CTIF: variants seen among roughly 807,000 people sequenced by gnomAD.
CTIF encodes the protein CBP80/20-dependent translation initiation factor.
CTIF carries 21 observed loss-of-function variants against 66.0 expected under a neutral mutation model. The observed-to-expected ratio is 0.32, with a 90% CI of 0.23 to 0.46. The LOEUF is 0.46. Among genes scored for constraint, CTIF ranks in the 20% least tolerant of loss-of-function variants. The pLI is 1.00. For missense variants in CTIF, 739 were observed against 812.7 expected, an observed-to-expected ratio of 0.91 and a Z score of 1.10; for synonymous variants, 345 against 326.4, an observed-to-expected ratio of 1.06 and a Z score of -0.62.
At chr18:48,687,308 AC>A in intron 6 of CTIF, among the ~76,000 whole-genome samples, 1 of 83,020 alleles carries the variant, frequency 1.2e-5, no homozygotes, top group Non-Finnish European at 2.9e-5. Context: ...AGGAGGGGAC[AC>A]ACACACACAC....
chr18:48,664,930 C>T (rs537808611), intron 5 of CTIF, among the ~76,000 whole-genome samples: 5 of 119,114 alleles, frequency 4.2e-5, no homozygotes, highest in South Asian at 2.7e-4. Context: ...TTTTTTGAGA[C>T]GGAGTCTCGC....
In CTIF at chr18:48,848,853, G is replaced by A. The variant is rs1037445333; in HGVS notation, c.1528-8735G>A. Among the ~76,000 whole-genome samples the A allele has an allele frequency of 2.0e-5, 3 of 152,242 alleles. No homozygotes were observed. The South Asian group carries it at 6.2e-4, about 32-fold the overall frequency. On this transcript the variant is annotated intron_variant, in intron 10 of 11. Coordinates refer to ENST00000256413, the MANE Select transcript of CTIF (RefSeq NM_014772.3). ...TTTCTCCCTGAGGGAGGATATGATG[G>A]GCGTGCCCACAACAAGTCTCCGCCA...
intron 9 of CTIF, among the ~76,000 whole-genome samples, chr18:48,778,502 G>A (rs1483604604): frequency 6.6e-6 from 1 of 152,190 alleles, no homozygotes; most frequent in East Asian, 1.9e-4. Context: ...CTCTCATCCG[G>A]GGTTTGTACC....
chr18:48,754,961 T>C (rs1479493927), intron 7 of CTIF, among the ~76,000 whole-genome samples: 1 of 152,160 alleles, frequency 6.6e-6, no homozygotes, highest in African/African-American at 2.4e-5. Flanking sequence ...CCCCTCCAGG[T>C]AGATAGAAGT....
intron 1 of CTIF, among the ~76,000 whole-genome samples, chr18:48,607,611 C>G (rs1177687164): frequency 2.0e-5 from 3 of 152,212 alleles, no homozygotes; most frequent in Non-Finnish European, 4.4e-5. Context: ...AAGGAGCAGA[C>G]AGGTCCTCAG....
chr18:48,560,658 C>T lies in CTIF; in HGVS notation c.-29+21346C>T, dbSNP rs1014129551. On this transcript the variant is annotated intron_variant, in intron 1 of 11. Coordinates refer to ENST00000256413, the MANE Select transcript of CTIF (RefSeq NM_014772.3). ...TGACCTCAGCTCACTGCAACCTCCG[C>T]CTCTTGGCCTCAAGCCATCCTCCCT... is the stretch of plus-strand genomic sequence containing the variant. Among the ~76,000 whole-genome samples the T allele has an allele frequency of 1.3e-4, 20 of 152,276 alleles. 1 individual carries two copies. Among genetic ancestry groups the T allele is most frequent in the Admixed American group, 1.3e-3 (20 of 15,300 alleles).
intron 5 of CTIF, among the ~76,000 whole-genome samples, chr18:48,664,909 C>CT (rs368586647): frequency 0.18 from 11,360 of 62,056 alleles, 579 homozygotes; most frequent in East Asian, 0.35. Flanking sequence ...GTGTTTCTTT[C>CT]TTTTTTTTTT....
intron 1 of CTIF, among the ~76,000 whole-genome samples, chr18:48,555,137 C>G (rs756985566): frequency 4.0e-5 from 6 of 151,052 alleles, no homozygotes; most frequent in Non-Finnish European, 7.3e-5. Flanking sequence ...ATACGGTGTT[C>G]GAGGTGTGAC....
intron 9 of CTIF, among the ~76,000 whole-genome samples, chr18:48,804,145 G>A (rs1037626649): frequency 4.6e-5 from 7 of 152,208 alleles, no homozygotes; most frequent in African/African-American, 9.7e-5. Flanking sequence ...GGAGATCAGG[G>A]ATACTTGGGG....
intron 1 of CTIF, among the ~76,000 whole-genome samples, chr18:48,586,555 G>T (rs936999084): frequency 1.3e-5 from 2 of 152,184 alleles, no homozygotes; most frequent in Non-Finnish European, 2.9e-5. Context: ...ATAGGCGTGA[G>T]CCACCACGCC....
rs140333359 is a variant in CTIF at position 48,681,333 on chromosome 18, C to T, written c.507+10589C>T. ...GCTGGGCCAGGGATCTGGAGGCAGC[C>T]GATGGCCAAACAAACCAAGTGAGTG... On this transcript the variant is annotated intron_variant, in intron 6 of 11. Transcript: ENST00000256413. Among the ~76,000 whole-genome samples the T allele has an allele frequency of 4.2e-3, 647 of 152,268 alleles. 3 individuals carry two copies. The highest frequency in any genetic ancestry group is 0.015 in the African/African-American group (613 of 41,542).
intron 3 of CTIF, among the ~76,000 whole-genome samples, chr18:48,658,360 CAT>C (rs1380281866): frequency 1.3e-5 from 2 of 151,722 alleles, no homozygotes; most frequent in Non-Finnish European, 2.9e-5. Flanking sequence ...GTGATGTGCA[CAT>C]ATAGTTGTAG....
chr18:48,628,901 C>T (rs1233385072), intron 2 of CTIF, among the ~76,000 whole-genome samples: 1 of 152,188 alleles, frequency 6.6e-6, no homozygotes, highest in Non-Finnish European at 1.5e-5. Context: ...AATGAGCTGC[C>T]AGCCAGCCTT....
intron 10 of CTIF, among the ~76,000 whole-genome samples, chr18:48,847,838 C>A (rs77972375): frequency 0.051 from 7,748 of 152,262 alleles, 634 homozygotes; most frequent in African/African-American, 0.18. Context: ...AGCCTGATGC[C>A]CATTTTTGAT....
rs952621021 is a variant in CTIF, at chr18:48,626,662, T to G, written c.180+6917T>G. On this transcript the variant is annotated intron_variant, in intron 2 of 11. Coordinates refer to ENST00000256413, the MANE Select transcript of CTIF (RefSeq NM_014772.3). ...ACCTGGCCGTTTTTTTTTTGTTTTT[T>G]TTTTTTTTTTGAGACAAAGTTTTGC... Among the ~76,000 whole-genome samples, 156 of 147,332 alleles carry G rather than the reference T, an allele frequency of 1.1e-3. 1 individual carries two copies. The highest frequency in any genetic ancestry group is 3.7e-3 in the African/African-American group (143 of 38,272).
intron 1 of CTIF, among the ~76,000 whole-genome samples, chr18:48,606,991 G>A (rs563853643): frequency 9.2e-5 from 14 of 152,274 alleles, no homozygotes; most frequent in Non-Finnish European, 4.4e-5. Context: ...GGGGGGAGTC[G>A]TTTATAATTT....
At chr18:48,547,910 A>G (rs2088791602) in intron 1 of CTIF, among the ~76,000 whole-genome samples, 1 of 152,192 alleles carries the variant, frequency 6.6e-6, no homozygotes, top group African/African-American at 2.4e-5. Flanking sequence ...ACCTGCTGCA[A>G]GTTCCTTCCT....
chr18:48,832,052 C>T (rs1465398503), intron 10 of CTIF, among the ~76,000 whole-genome samples: 2 of 152,168 alleles, frequency 1.3e-5, no homozygotes, highest in African/African-American at 2.4e-5. Context: ...TTCATAGCCT[C>T]TCATAGCACC....
rs1908625023 is a variant in CTIF, at chr18:48,758,360, G to C, written c.1026G>C (p.Leu342=). 1 of 1,608,862 alleles carries C rather than the reference G, an allele frequency of 6.2e-7. No individual in the cohort carries two copies. The highest frequency in any genetic ancestry group is 8.5e-7 in the Non-Finnish European group (1 of 1,177,928). ...TCGGGGAGCGGCCCAAAATTACCCT[G>C]CTCCAGTCTTCCAAAGACAGACTGC... ...ERIGERPKIT[L]LQSSKDRLRR... Residue 342 remains leucine (L), a synonymous_variant, in exon 8 of 12, where the codon CTG becomes CTC. Coordinates refer to ENST00000256413, the MANE Select transcript of CTIF (RefSeq NM_014772.3).
Sources: allele counts gnomAD v4.1 joint callset (sites outside exome capture counted in the v4.1 genomes callset), GRCh38; gene constraint gnomAD v4.1.1; transcripts MANE v1.5; gene names NCBI Gene and HGNC (gene_info 2026-07-23, HGNC 2026-07-21).